MYO3A: variants seen among roughly 807,000 people sequenced by gnomAD.
MYO3A encodes myosin IIIA.
MYO3A carries 180 observed loss-of-function variants against 192.7 expected under a neutral mutation model. The ratio of observed to expected loss-of-function variants is 0.93; its 90% confidence interval spans 0.83 to 1.06. The LOEUF (loss-of-function observed/expected upper bound fraction) is 1.06. MYO3A is among the 50% of genes least tolerant of loss of function. The pLI is 0.00. For missense variants in MYO3A, 1,896 were observed against 1,905.0 expected, an observed-to-expected ratio of 1.00 and a Z score of 0.09; for synonymous variants, 628 against 645.3, an observed-to-expected ratio of 0.97 and a Z score of 0.41.
intron 4 of MYO3A, among the ~76,000 whole-genome samples, chr10:25,990,221 G>A (rs1839925185): frequency 6.6e-6 from 1 of 152,070 alleles, no homozygotes; most frequent in Admixed American, 6.5e-5. Flanking sequence ...GGGAGGGGAA[G>A]GAGGATGCCA....
intron 10 of MYO3A, among the ~76,000 whole-genome samples, chr10:26,051,544 T>C (rs186377180): frequency 7.0e-6 from 1 of 142,390 alleles, no homozygotes; most frequent in African/African-American, 2.5e-5. Flanking sequence ...TTAATACATA[T>C]ATATATTATA....
At position 26,034,718 on chromosome 10, in the gene MYO3A, C is replaced by G. The variant is rs184520246; in HGVS notation, c.953+8186C>G. On this transcript the variant is annotated intron_variant, in intron 10 of 34. Coordinates refer to ENST00000642920, the MANE Select transcript of MYO3A (RefSeq NM_017433.5). Reference sequence around the variant, plus strand: ...CATAAAGATAATTATATTAATAATACTAACAAAGGCTGATGTTGAATCTTC... The same window carrying G: ...CATAAAGATAATTATATTAATAATAGTAACAAAGGCTGATGTTGAATCTTC... Among the ~76,000 whole-genome samples, 10 of 152,040 alleles carry G rather than the reference C, an allele frequency of 6.6e-5. 1 individual carries two copies. The highest frequency in any genetic ancestry group is 6.6e-4 in the Admixed American group (10 of 15,266).
chr10:26,074,333 A>G (rs1457149339), intron 14 of MYO3A, among the ~76,000 whole-genome samples: 1 of 151,998 alleles, frequency 6.6e-6, no homozygotes, highest in Non-Finnish European at 1.5e-5. Flanking sequence ...TCTGATTTAT[A>G]CTGCCATGAA....
chr10:25,993,980 G>A (rs113027414), intron 4 of MYO3A, among the ~76,000 whole-genome samples: 14,480 of 152,204 alleles, frequency 0.095, 1,225 homozygotes, highest in African/African-American at 0.22. Flanking sequence ...TGAGAAGAAC[G>A]TATATTCTGT....
At chr10:26,024,676 CT>C (rs1842461066) in intron 9 of MYO3A, among the ~76,000 whole-genome samples, 1 of 152,262 alleles carries the variant, frequency 6.6e-6, no homozygotes, top group South Asian at 2.1e-4. Context: ...AGTAAATTCC[CT>C]TAGCATTTGC....
chr10:26,103,265 C>T (rs201422180), intron 17 of MYO3A, among the ~76,000 whole-genome samples: 3 of 152,118 alleles, frequency 2.0e-5, no homozygotes, highest in African/African-American at 4.8e-5. Flanking sequence ...GGGAGTGTCC[C>T]GATTTTCCAG....
chr10:26,207,880 C>A (rs191495287), intron 34 of MYO3A, among the ~76,000 whole-genome samples: 4 of 152,120 alleles, frequency 2.6e-5, no homozygotes, highest in Admixed American at 2.6e-4. Flanking sequence ...AGCATTTTAC[C>A]AATATTAATT....
intron 14 of MYO3A, among the ~76,000 whole-genome samples, chr10:26,073,500 C>T (rs1193029700): frequency 6.6e-6 from 1 of 151,386 alleles, no homozygotes; most frequent in Non-Finnish European, 1.5e-5. Context: ...ACCTGGGAGA[C>T]GTGAATGGCA....
chr10:26,062,045 T>G (rs199786346), intron 10 of MYO3A, among the ~76,000 whole-genome samples: 2 of 43,790 alleles, frequency 4.6e-5, no homozygotes, highest in Non-Finnish European at 1.5e-4. Flanking sequence ...CCAGACGTTG[T>G]GGGGGGATAT....
At chr10:26,001,865 T>C (rs1036915567) in intron 6 of MYO3A, among the ~76,000 whole-genome samples, 2 of 152,198 alleles carry the variant, frequency 1.3e-5, no homozygotes, top group African/African-American at 4.8e-5. Context: ...CATGTACCTG[T>C]AACCCCAGCT....
At chr10:26,161,960 T>A (rs1841505907) in intron 26 of MYO3A, among the ~76,000 whole-genome samples, 1 of 152,184 alleles carries the variant, frequency 6.6e-6, no homozygotes, top group African/African-American at 2.4e-5. Flanking sequence ...GAACTAAAAA[T>A]GAGTTCAAAT....
At chr10:26,035,066 G>A (rs947873896) in intron 10 of MYO3A, among the ~76,000 whole-genome samples, 3 of 152,020 alleles carry the variant, frequency 2.0e-5, no homozygotes, top group Admixed American at 6.6e-5. Context: ...GAAAGGTCTC[G>A]TAAAGGAATA....
intron 12 of MYO3A, 72 bp from the exon 13 acceptor site, chr10:26,070,039 T>A: frequency 9.1e-7 from 1 of 1,097,118 alleles, no homozygotes; most frequent in Non-Finnish European, 1.4e-6. Flanking sequence ...AAATTGGAGC[T>A]ATATTTGTAA....
intron 6 of MYO3A, among the ~76,000 whole-genome samples, chr10:26,011,539 G>A (rs12246034): frequency 0.094 from 14,340 of 152,120 alleles, 1,185 homozygotes; most frequent in African/African-American, 0.21. Flanking sequence ...ACACATTCCT[G>A]TAAGCATACA....
At chr10:26,186,458 G>C (rs1842874252) in intron 31 of MYO3A, among the ~76,000 whole-genome samples, 1 of 151,950 alleles carries the variant, frequency 6.6e-6, no homozygotes, top group African/African-American at 2.4e-5. Flanking sequence ...AGTAGAGATG[G>C]TGTTTCACCG....
chr10:26,163,449 A>G (rs1029295279), intron 26 of MYO3A, among the ~76,000 whole-genome samples: 4 of 152,146 alleles, frequency 2.6e-5, no homozygotes, highest in South Asian at 2.1e-4. Context: ...TTGGGAGGCA[A>G]TTGCAAAAGT....
intron 31 of MYO3A, among the ~76,000 whole-genome samples, chr10:26,184,466 T>C (rs1467256811): frequency 6.6e-6 from 1 of 151,894 alleles, no homozygotes; most frequent in Non-Finnish European, 1.5e-5. Context: ...GATTTAGACA[T>C]GTGATATTTC....
intron 2 of MYO3A, 75 bp from the exon 3 acceptor site, chr10:25,952,018 TA>T: frequency 9.0e-7 from 1 of 1,108,230 alleles, no homozygotes; most frequent in Non-Finnish European, 1.3e-6. Flanking sequence ...AAATATTCGC[TA>T]ATTTCCCATG....
In MYO3A at chr10:25,964,876, A is replaced by G. The variant is rs553040190; in HGVS notation, c.303+9868A>G. On this transcript the variant is annotated intron_variant, in intron 4 of 34. Transcript: ENST00000642920. ...GGTATTTCACTGGATATACTATTCCAGGGTAAAAGTTGTTTTCTTTTTCCT... is the reference window on the plus strand; with the variant it reads ...GGTATTTCACTGGATATACTATTCCGGGGTAAAAGTTGTTTTCTTTTTCCT... Among the ~76,000 whole-genome samples the G allele has an allele frequency of 8.5e-5, 13 of 152,330 alleles. No homozygotes were observed. The South Asian group carries it at 2.5e-3, about 29-fold the overall frequency.
Sources: gnomAD v4.1 joint callset for allele counts (sites outside exome capture counted in the v4.1 genomes callset) on GRCh38, gnomAD v4.1.1 for gene constraint, MANE v1.5 for transcripts, NCBI Gene and HGNC (gene_info 2026-07-23, HGNC 2026-07-21) for gene names.